Variants in YPEL1 observed in about 807,000 individuals in gnomAD.
The protein encoded by YPEL1 is yippee like 1, also known as protein yippee-like 1.
YPEL1 carries 7 observed loss-of-function variants against 17.3 expected under a neutral mutation model. The ratio of observed to expected loss-of-function variants is 0.40; its 90% CI spans 0.23 to 0.76. The LOEUF is 0.76. Ranked by LOEUF, YPEL1 falls within the 30% of genes least tolerant of loss-of-function variation. The pLI, the probability that YPEL1 is intolerant of heterozygous loss-of-function variation, is 0.35. For missense variants in YPEL1, 91 were observed against 155.5 expected, an observed-to-expected ratio of 0.59 and a Z score of 2.21; for synonymous variants, 59 against 59.6, an observed-to-expected ratio of 0.99 and a Z score of 0.05.
At chr22:21,731,115 TGC>T (rs1472652895) in intron 1 of YPEL1, among the ~76,000 whole-genome samples, 1 of 152,124 alleles carries the variant, frequency 6.6e-6, no homozygotes, top group Non-Finnish European at 1.5e-5. Flanking sequence ...TGGTGACTCA[TGC>T]CTGTAATCCC....
At chr22:21,708,513 C>CTT (rs1315088806) in intron 2 of YPEL1, among the ~76,000 whole-genome samples, 1 of 147,266 alleles carries the variant, frequency 6.8e-6, no homozygotes, top group East Asian at 2.1e-4. Context: ...TTTTTTTGTA[C>CTT]TTTATTAATA....
At chr22:21,708,198 G>A (rs1036072432) in intron 2 of YPEL1, among the ~76,000 whole-genome samples, 5 of 151,904 alleles carry the variant, frequency 3.3e-5, no homozygotes, top group African/African-American at 7.3e-5. Flanking sequence ...CACCTCGCCC[G>A]GCCCATCACC....
chr22:21,698,843 C>T lies in YPEL1; in HGVS notation c.*2286G>A, dbSNP rs1390928543. The T allele has an allele frequency of 6.6e-6, 1 of 152,494 alleles. No individual in the cohort carries two copies. Among genetic ancestry groups the T allele is most frequent in the Non-Finnish European group, 1.5e-5 (1 of 68,146 alleles). The allele number at this position is 152,494 out of a possible 1,614,324, so 9.4% of individuals were successfully genotyped here. A position where few individuals can be genotyped will look rare whatever the true frequency, so the allele number is the denominator to read the frequency against. On this transcript the variant is annotated 3_prime_UTR_variant, in exon 5 of 5. Transcript: ENST00000339468. ...CGCGAGCTCAGGAGGACAGGATGTG[C>T]TGGGCCAGCCTAAACCCTCGGGGGA...
chr22:21,709,866 C>T (rs1483376915), intron 2 of YPEL1, among the ~76,000 whole-genome samples: 2 of 148,950 alleles, frequency 1.3e-5, no homozygotes, highest in East Asian at 4.0e-4. Flanking sequence ...AGGTCATGAC[C>T]TGTGAGGATG....
chr22:21,713,200 T>C (rs185381241), intron 1 of YPEL1, among the ~76,000 whole-genome samples: 37 of 152,312 alleles, frequency 2.4e-4, no homozygotes, highest in African/African-American at 7.2e-4. Flanking sequence ...GGAAACAGTA[T>C]GGTAATTCCT....
At chr22:21,724,339 C>T (rs1025780967) in intron 1 of YPEL1, among the ~76,000 whole-genome samples, 6 of 152,100 alleles carry the variant, frequency 3.9e-5, no homozygotes, top group African/African-American at 1.4e-4. Flanking sequence ...GAGTTTGAGA[C>T]CGGCCTGGCC....
At chr22:21,711,373 C>A (rs1404406181) in intron 1 of YPEL1, among the ~76,000 whole-genome samples, 1 of 152,320 alleles carries the variant, frequency 6.6e-6, no homozygotes, top group East Asian at 1.9e-4. Context: ...TCAAATTCTT[C>A]TTATACCAGG....
intron 1 of YPEL1, among the ~76,000 whole-genome samples, chr22:21,716,711 CAA>C (rs925391152): frequency 6.6e-6 from 1 of 152,248 alleles, no homozygotes; most frequent in African/African-American, 2.4e-5. Context: ...AAAATTCCCA[CAA>C]AGTCATTTTT....
Position 21,698,301 on chromosome 22 carries a change from A to G in YPEL1, c.*2828T>C, listed in dbSNP as rs556992705. The G allele has an allele frequency of 1.3e-5, 2 of 152,260 alleles. No individual in the cohort carries two copies. The highest frequency in any genetic ancestry group is 2.9e-5 in the Non-Finnish European group (2 of 68,032). The allele number at this position is 152,260 out of a possible 1,614,324, so 9.4% of individuals were successfully genotyped here. A position where few individuals can be genotyped will look rare whatever the true frequency, so the allele number is the denominator to read the frequency against. On this transcript the variant is annotated 3_prime_UTR_variant, in exon 5 of 5. Coordinates refer to ENST00000339468, the MANE Select transcript of YPEL1 (RefSeq NM_013313.5). ...ATACAAAAGTCATAAGACTACTAGT[A>G]AAAAATGTTCAATCAATGCCGTCAC...
chr22:21,710,866 G>T lies in YPEL1; in HGVS notation c.-122C>A. On this transcript the variant is annotated 5_prime_UTR_variant, in exon 2 of 5. Transcript: ENST00000339468. ...AAGAGCCGTCGTTGTCCAGGAGGGC[G>T]TGTGGCACTGTCCACACAGCTGGGA... 2.4e-6 allele frequency: 2 copies of T among 835,764 alleles called. No homozygotes were observed. The highest frequency in any genetic ancestry group is 2.1e-6 in the Non-Finnish European group (1 of 485,806). The allele number at this position is 835,764 out of a possible 1,614,324, so 51.8% of individuals were successfully genotyped here.
chr22:21,719,117 C>A (rs144718806), intron 1 of YPEL1, among the ~76,000 whole-genome samples: 1 of 152,172 alleles, frequency 6.6e-6, no homozygotes, highest in Non-Finnish European at 1.5e-5. Context: ...ATGAAACTTG[C>A]TGACATGCCC....
intron 1 of YPEL1, among the ~76,000 whole-genome samples, chr22:21,725,130 A>G (rs1211121909): frequency 2.0e-5 from 3 of 149,650 alleles, no homozygotes; most frequent in African/African-American, 7.4e-5. Flanking sequence ...GCTGGTCTCG[A>G]CCTCCTGACC....
intron 2 of YPEL1, among the ~76,000 whole-genome samples, chr22:21,707,344 G>C (rs1055832317): frequency 6.6e-6 from 1 of 152,144 alleles, no homozygotes; most frequent in Admixed American, 6.5e-5. Context: ...TTGAACCCGG[G>C]AGACAGAGGT....
chr22:21,705,431 A>G (rs1244708491), intron 2 of YPEL1, among the ~76,000 whole-genome samples: 2 of 152,244 alleles, frequency 1.3e-5, no homozygotes, highest in Non-Finnish European at 2.9e-5. Context: ...CATTGGAAAG[A>G]AAACAGGAAA....
intron 1 of YPEL1, among the ~76,000 whole-genome samples, chr22:21,722,560 T>G (rs2068293834): frequency 6.6e-6 from 1 of 151,330 alleles, no homozygotes; most frequent in African/African-American, 2.4e-5. Flanking sequence ...GAGATTGCAG[T>G]GAGCCGACAT....
chr22:21,732,004 C>T (rs1000436750), intron 1 of YPEL1, among the ~76,000 whole-genome samples: 1 of 152,202 alleles, frequency 6.6e-6, no homozygotes, highest in Non-Finnish European at 1.5e-5. Flanking sequence ...GGCCCAAGGC[C>T]CTGCAGGTGC....
chr22:21,712,230 C>T (rs1221033170), intron 1 of YPEL1, among the ~76,000 whole-genome samples: 1 of 151,748 alleles, frequency 6.6e-6, no homozygotes. Flanking sequence ...CAGAGGCAAC[C>T]CAGAGAATGA....
Position 21,710,686 on chromosome 22 carries a change from G to A in YPEL1, c.59C>T (p.Thr20Met), listed in dbSNP as rs759424839. 3.1e-6 allele frequency: 5 copies of A among 1,614,104 alleles called. No individual in the cohort carries two copies. Among genetic ancestry groups the A allele is most frequent in the Non-Finnish European group, 3.4e-6 (4 of 1,180,056 alleles). Residue 20 changes from threonine (T) to methionine (M), a missense_variant, in exon 2 of 5, where the codon ACG becomes ATG. By Grantham distance (81) the Thr-to-Met change is moderately conservative. Coordinates refer to ENST00000339468, the MANE Select transcript of YPEL1 (RefSeq NM_013313.5). Reference protein sequence around the residue: ...FQAYLPNCHRTYSCIHCRAHL... With the variant: ...FQAYLPNCHRMYSCIHCRAHL... ...TGCTCTGCAGTGGATACAGCTGTAC[G>A]TTCGGTGACAGTTCGGCAGATACGC...
chr22:21,710,375 C>T (rs2068152620), intron 2 of YPEL1: 1 of 541,092 alleles, frequency 1.8e-6, no homozygotes, highest in Non-Finnish European at 3.3e-6. Context: ...TCACCTTGCC[C>T]CTCGTAATCC....
Sources: gnomAD v4.1 joint callset for allele counts (sites outside exome capture counted in the v4.1 genomes callset) on GRCh38, gnomAD v4.1.1 for gene constraint, MANE v1.5 for transcripts, NCBI Gene and HGNC (gene_info 2026-07-23, HGNC 2026-07-21) for gene names.